Variants in ROBO2 observed in about 807,000 individuals in gnomAD.
The protein encoded by ROBO2 is roundabout guidance receptor 2, also known as roundabout homolog 2.
A neutral mutation model predicts 160.8 loss-of-function variants in ROBO2; 53 were observed. The ratio of observed to expected loss-of-function variants is 0.33; its 90% CI spans 0.26 to 0.41. The LOEUF (loss-of-function observed/expected upper bound fraction) is 0.41, where lower values mean the gene tolerates loss of function less well. Ranked by LOEUF, ROBO2 falls within the 10% of genes least tolerant of loss-of-function variation. ROBO2 has a pLI of 1.00. For missense variants in ROBO2, 1,577 were observed against 1,722.4 expected (o/e 0.92, Z 1.49); for synonymous variants, 664 against 611.7 (o/e 1.09, Z -1.26).
At chr3:77,223,983 T>TGGG (rs1350276635) in intron 2 of ROBO2, among the ~76,000 whole-genome samples, 26 of 152,152 alleles carry the variant, frequency 1.7e-4, no homozygotes, top group African/African-American at 6.0e-4. Context: ...GGGAGACAAA[T>TGGG]GGATACTTTT....
intron 2 of ROBO2, among the ~76,000 whole-genome samples, chr3:76,019,634 T>C (rs2107656000): frequency 6.6e-6 from 1 of 152,116 alleles, no homozygotes; most frequent in African/African-American, 2.4e-5. Flanking sequence ...AGGTTTTCTC[T>C]GAAGCTCCAT....
At chr3:76,024,904 C>T (rs954709014) in intron 2 of ROBO2, among the ~76,000 whole-genome samples, 3 of 150,560 alleles carry the variant, frequency 2.0e-5, no homozygotes, top group Admixed American at 6.6e-5. Flanking sequence ...CCTTTCTGGG[C>T]AGGCATAAAA....
At chr3:77,407,892 C>T (rs2076383175) in intron 2 of ROBO2, among the ~76,000 whole-genome samples, 1 of 152,070 alleles carries the variant, frequency 6.6e-6, no homozygotes, top group Non-Finnish European at 1.5e-5. Context: ...TGGTCATTGA[C>T]AGAATTGTAA....
chr3:75,960,357 G>T (rs984290204), intron 2 of ROBO2, among the ~76,000 whole-genome samples: 1 of 151,768 alleles, frequency 6.6e-6, no homozygotes, highest in Non-Finnish European at 1.5e-5. Flanking sequence ...GGATATAAAT[G>T]ATTGTGGGGC....
In ROBO2 at chr3:77,023,117, C is replaced by A. The variant is rs2062743322; in HGVS notation, c.110-74897C>A. Among the ~76,000 whole-genome samples, 4 of 152,104 alleles carry A rather than the reference C, an allele frequency of 2.6e-5. No homozygotes were observed. The South Asian group carries it at 8.3e-4, about 32-fold the overall frequency. On this transcript the variant is annotated intron_variant, in intron 2 of 26. Transcript: ENST00000487694. ...ATTCCCACATGTTGTGGGAGGGACC[C>A]AGGGGGAGGTAATTGAATCATGAGG...
At chr3:77,597,296 A>AAAATAAATAAATAAATAAAT (rs754183877) in intron 19 of ROBO2, among the ~76,000 whole-genome samples, 3 of 121,316 alleles carry the variant, frequency 2.5e-5, no homozygotes, top group Non-Finnish European at 5.4e-5. Context: ...CTGTTATCCA[A>AAAATAAATAAATAAATAAAT]AAATAAATAA....
intron 2 of ROBO2, among the ~76,000 whole-genome samples, chr3:76,160,187 T>C (rs2072565312): frequency 6.6e-6 from 1 of 152,096 alleles, no homozygotes; most frequent in African/African-American, 2.4e-5. Context: ...ATCAGTTCTC[T>C]TCACTTTGGC....
At chr3:76,161,071 G>C (rs1288295504) in intron 2 of ROBO2, among the ~76,000 whole-genome samples, 1 of 151,992 alleles carries the variant, frequency 6.6e-6, no homozygotes, top group African/African-American at 2.4e-5. Context: ...TCTTCTGAGA[G>C]ACAGCAGTTG....
chr3:76,379,689 T>C (rs1197734690), intron 2 of ROBO2, among the ~76,000 whole-genome samples: 2 of 152,192 alleles, frequency 1.3e-5, no homozygotes, highest in Non-Finnish European at 2.9e-5. Context: ...GTAGTTTTTT[T>C]AAACGTGAAC....
chr3:77,067,973 G>A (rs187250451), intron 1 of ROBO2, among the ~76,000 whole-genome samples: 6 of 151,992 alleles, frequency 3.9e-5, no homozygotes, highest in East Asian at 3.9e-4. Flanking sequence ...ATAAACATCA[G>A]TTCTAAATCA....
intron 2 of ROBO2, among the ~76,000 whole-genome samples, chr3:76,762,413 C>A (rs1227199511): frequency 6.8e-6 from 1 of 147,476 alleles, no homozygotes; most frequent in Non-Finnish European, 1.5e-5. Flanking sequence ...TCTTTAATTG[C>A]TTTTGTTCTT....
intron 2 of ROBO2, among the ~76,000 whole-genome samples, chr3:76,339,096 T>C (rs139642655): frequency 5.4e-4 from 82 of 152,354 alleles, no homozygotes; most frequent in Admixed American, 5.4e-3. Context: ...AAAACACTTC[T>C]ATTTATGACA....
At chr3:76,522,405 C>A (rs2081675011) in intron 2 of ROBO2, among the ~76,000 whole-genome samples, 1 of 152,124 alleles carries the variant, frequency 6.6e-6, no homozygotes, top group Non-Finnish European at 1.5e-5. Flanking sequence ...CTTTCTTCAT[C>A]AATCCAATAA....
intron 2 of ROBO2, among the ~76,000 whole-genome samples, chr3:77,150,918 G>A (rs2077500679): frequency 1.3e-5 from 2 of 152,110 alleles, no homozygotes. Context: ...TGAAAGTCAA[G>A]TTTAATTAAC....
intron 2 of ROBO2, among the ~76,000 whole-genome samples, chr3:76,329,206 C>G (rs1317226658): frequency 3.3e-5 from 5 of 151,992 alleles, no homozygotes. Flanking sequence ...AGTGAAGGAG[C>G]CCGGGACTTT....
At chr3:76,749,481 C>A (rs2250342) in intron 2 of ROBO2, among the ~76,000 whole-genome samples, 1 of 151,800 alleles carries the variant, frequency 6.6e-6, no homozygotes, top group Non-Finnish European at 1.5e-5. Context: ...CTGTTCTCAG[C>A]TGCTCATGAT....
intron 16 of ROBO2, among the ~76,000 whole-genome samples, chr3:77,583,389 TC>T (rs1042796070): frequency 3.3e-5 from 5 of 151,800 alleles, no homozygotes; most frequent in Non-Finnish European, 5.9e-5. Context: ...TTTTGCCTAG[TC>T]TTCTACTTGT....
intron 2 of ROBO2, among the ~76,000 whole-genome samples, chr3:76,445,794 A>G (rs906869925): frequency 6.6e-6 from 1 of 152,126 alleles, no homozygotes; most frequent in African/African-American, 2.4e-5. Flanking sequence ...AAAACCACAT[A>G]ATTATCTCAA....
intron 2 of ROBO2, among the ~76,000 whole-genome samples, chr3:76,381,615 C>G (rs181982598): frequency 6.6e-6 from 1 of 152,252 alleles, no homozygotes; most frequent in African/African-American, 2.4e-5. Flanking sequence ...TCCCAAAGTG[C>G]TGGGATTACA....
Sources: allele counts gnomAD v4.1 joint callset (sites outside exome capture counted in the v4.1 genomes callset), GRCh38; gene constraint gnomAD v4.1.1; transcripts MANE v1.5; gene names NCBI Gene and HGNC (gene_info 2026-07-23, HGNC 2026-07-21).